Variants in FAT3 observed in about 807,000 individuals in gnomAD.
FAT3 encodes FAT atypical cadherin 3.
In FAT3, 95 loss-of-function variants were observed where a neutral mutation model predicts 310.2. The observed-to-expected ratio is 0.31, with a 90% CI of 0.26 to 0.36. The LOEUF (loss-of-function observed/expected upper bound fraction) is 0.36. Ranked by LOEUF, FAT3 falls within the 10% of genes least tolerant of loss-of-function variation. FAT3 has a pLI of 1.00. For synonymous variants in FAT3, 2,314 were observed against 2,192.9 expected (o/e 1.06, Z -1.54); for missense variants, 5,408 against 5,715.6 (o/e 0.95, Z 1.74).
At chr11:92,276,220 G>A (rs1244233817) in intron 1 of FAT3, among the ~76,000 whole-genome samples, 1 of 152,072 alleles carries the variant, frequency 6.6e-6, no homozygotes, top group East Asian at 1.9e-4. Context: ...AATCAGCCTA[G>A]CAGTATAATA....
chr11:92,367,035 A>G (rs1591178629), intron 2 of FAT3: 3 of 510,166 alleles, frequency 5.9e-6, no homozygotes, highest in Non-Finnish European at 1.2e-5. Context: ...GATCAATAAC[A>G]TCTAGCACTG....
intron 19 of FAT3, among the ~76,000 whole-genome samples, chr11:92,849,614 A>G (rs753450132): frequency 3.3e-5 from 5 of 152,176 alleles, no homozygotes; most frequent in African/African-American, 9.7e-5. Context: ...AAAGTTATAG[A>G]TGGTGTTATT....
intron 2 of FAT3, among the ~76,000 whole-genome samples, chr11:92,468,502 C>T (rs1207365577): frequency 6.6e-6 from 1 of 151,878 alleles, no homozygotes; most frequent in Non-Finnish European, 1.5e-5. Flanking sequence ...CTTTTTTCTT[C>T]AGAGAAACTG....
chr11:92,420,757 C>A (rs1010625472), intron 2 of FAT3, among the ~76,000 whole-genome samples: 1 of 152,100 alleles, frequency 6.6e-6, no homozygotes, highest in African/African-American at 2.4e-5. Context: ...CACTTACAAA[C>A]CCAGCTGGCT....
intron 9 of FAT3, among the ~76,000 whole-genome samples, chr11:92,797,567 A>G (rs1351551594): frequency 6.6e-6 from 1 of 152,204 alleles, no homozygotes; most frequent in Non-Finnish European, 1.5e-5. Context: ...TTGAATGCAC[A>G]TAAGACTGTG....
intron 17 of FAT3, among the ~76,000 whole-genome samples, chr11:92,840,037 T>G (rs1948497843): frequency 1.3e-5 from 2 of 152,214 alleles, no homozygotes; most frequent in African/African-American, 4.8e-5. Flanking sequence ...AGGTAAGGTA[T>G]AAAGCCCCAT....
chr11:92,326,582 G>C (rs1282861266), intron 1 of FAT3, among the ~76,000 whole-genome samples: 1 of 152,208 alleles, frequency 6.6e-6, no homozygotes, highest in Non-Finnish European at 1.5e-5. Context: ...CCATCAGGAT[G>C]GTTGTAGTTG....
At chr11:92,440,211 G>A (rs1209829212) in intron 2 of FAT3, among the ~76,000 whole-genome samples, 1 of 152,110 alleles carries the variant, frequency 6.6e-6, no homozygotes, top group Non-Finnish European at 1.5e-5. Context: ...AGGATTGGGT[G>A]CAATTAGTTT....
intron 3 of FAT3, among the ~76,000 whole-genome samples, chr11:92,696,438 A>G (rs1460625162): frequency 6.6e-6 from 1 of 152,142 alleles, no homozygotes; most frequent in Non-Finnish European, 1.5e-5. Context: ...CTTGAGGTCA[A>G]GGGCTCTTTC....
rs372525516 is a variant in FAT3 at position 92,697,432 on chromosome 11, A to T, written c.3656A>T (p.Glu1219Val). The T allele has an allele frequency of 1.2e-5, 19 of 1,613,782 alleles. No individual in the cohort carries two copies. In the Admixed American group the frequency reaches 3.2e-4, roughly 27 times the overall value. ...SRKLDREQQA[E>V]HFLEVTVTDG... ...AAATTGGATCGAGAACAGCAGGCAG[A>T]ACATTTTCTGGAGGTAAGCGCATAG... The change falls in exon 4 of 28, where the codon GAA (glutamate) becomes GTA (valine). Residue 1219 changes from glutamate (E) to valine (V), a missense_variant. Glu to Val is a moderately radical substitution (Grantham distance 121). Transcript: ENST00000525166.
At chr11:92,573,318 G>A (rs1337869744) in intron 3 of FAT3, among the ~76,000 whole-genome samples, 1 of 152,070 alleles carries the variant, frequency 6.6e-6, no homozygotes, top group Non-Finnish European at 1.5e-5. Flanking sequence ...GCGAATTATG[G>A]AGGCCTCTTG....
chr11:92,844,698 G>A lies in FAT3; in HGVS notation c.11331G>A (p.Pro3777=), dbSNP rs374520051. The change falls in exon 19 of 28, where the codon CCG becomes CCA. Residue 3777 remains proline (P), a synonymous_variant. Coordinates refer to ENST00000525166, the MANE Select transcript of FAT3 (RefSeq NM_001367949.2). ...CGGCTCGCATCAGCTTTGTGTGTCCGCGTTTCTACAGGAACGTGCGTTGCA... is the reference window on the plus strand; with the variant it reads ...CGGCTCGCATCAGCTTTGTGTGTCCACGTTTCTACAGGAACGTGCGTTGCA... ...YSTARISFVC[P]RFYRNVRCTC... 2.2e-5 allele frequency: 34 copies of A among 1,573,158 alleles called. No homozygotes were observed. The highest frequency in any genetic ancestry group is 6.9e-5 in the East Asian group (3 of 43,558).
At chr11:92,350,402 C>T (rs1344322931) in intron 1 of FAT3, among the ~76,000 whole-genome samples, 1 of 150,162 alleles carries the variant, frequency 6.7e-6, no homozygotes, top group East Asian at 1.9e-4. Context: ...TACATTAAAA[C>T]CAGAGAGGAG....
intron 2 of FAT3, among the ~76,000 whole-genome samples, chr11:92,477,559 C>G (rs1160676211): frequency 6.6e-6 from 1 of 152,210 alleles, no homozygotes; most frequent in Non-Finnish European, 1.5e-5. Context: ...CAACTGCTCA[C>G]TCACATTTTA....
chr11:92,286,719 A>G (rs1946569798), intron 1 of FAT3, among the ~76,000 whole-genome samples: 1 of 152,182 alleles, frequency 6.6e-6, no homozygotes, highest in South Asian at 2.1e-4. Flanking sequence ...TCTTTTGGTT[A>G]TACACTAAGA....
chr11:92,404,625 C>G (rs755182180), intron 2 of FAT3, among the ~76,000 whole-genome samples: 1 of 151,746 alleles, frequency 6.6e-6, no homozygotes, highest in Non-Finnish European at 1.5e-5. Flanking sequence ...CCTCTTACTT[C>G]CCATGATGGC....
chr11:92,600,399 C>T (rs1008165137), intron 3 of FAT3, among the ~76,000 whole-genome samples: 3 of 152,074 alleles, frequency 2.0e-5, no homozygotes, highest in Admixed American at 1.3e-4. Flanking sequence ...AGAAGACTTA[C>T]GTTTCTACAA....
chr11:92,279,773 C>G (rs1000029390), intron 1 of FAT3, among the ~76,000 whole-genome samples: 1 of 152,134 alleles, frequency 6.6e-6, no homozygotes, highest in Non-Finnish European at 1.5e-5. Context: ...TACTACAGAA[C>G]ATTAGAACTT....
intron 13 of FAT3, among the ~76,000 whole-genome samples, chr11:92,817,160 G>A (rs1445665143): frequency 1.3e-5 from 2 of 152,088 alleles, no homozygotes; most frequent in African/African-American, 4.8e-5. Context: ...GCAGCAGCTG[G>A]GCTGAGTGCC....
Sources: gnomAD v4.1 joint callset for allele counts (sites outside exome capture counted in the v4.1 genomes callset) on GRCh38, gnomAD v4.1.1 for gene constraint, MANE v1.5 for transcripts, NCBI Gene and HGNC (gene_info 2026-07-23, HGNC 2026-07-21) for gene names.